Variants in LRGUK observed in about 807,000 individuals in gnomAD.
The protein encoded by LRGUK is leucine rich repeats and guanylate kinase domain containing.
Under a neutral mutation model 76.0 loss-of-function variants are expected in LRGUK, and 65 were observed. The observed-to-expected ratio is 0.85, with a 90% CI of 0.70 to 1.05. LRGUK has a LOEUF of 1.05. LRGUK is among the 50% of genes least tolerant of loss of function. The pLI, the probability that LRGUK is intolerant of heterozygous loss-of-function variation, is 0.00. For missense variants in LRGUK, 758 were observed against 732.8 expected, an observed-to-expected ratio of 1.03 and a Z score of -0.40; for synonymous variants, 268 against 265.6, an observed-to-expected ratio of 1.01 and a Z score of -0.09.
intron 16 of LRGUK, among the ~76,000 whole-genome samples, chr7:134,244,906 C>G (rs1443098797): frequency 6.6e-6 from 1 of 152,040 alleles, no homozygotes; most frequent in Non-Finnish European, 1.5e-5. Context: ...TTTGTAGGGA[C>G]ATGGATGAAG....
At chr7:134,246,222 C>A (rs1802298173) in intron 16 of LRGUK, among the ~76,000 whole-genome samples, 1 of 152,006 alleles carries the variant, frequency 6.6e-6, no homozygotes, top group Admixed American at 6.6e-5. Context: ...TTATATTATC[C>A]CCCCCAAATT....
intron 16 of LRGUK, among the ~76,000 whole-genome samples, chr7:134,244,907 A>G (rs1249860739): frequency 6.6e-6 from 1 of 152,152 alleles, no homozygotes; most frequent in Non-Finnish European, 1.5e-5. Flanking sequence ...TTGTAGGGAC[A>G]TGGATGAAGC....
chr7:134,207,208 C>G (rs1401919388), intron 15 of LRGUK, among the ~76,000 whole-genome samples: 2 of 152,122 alleles, frequency 1.3e-5, no homozygotes, highest in African/African-American at 4.8e-5. Context: ...TGTAAGTATA[C>G]AATTCAATGG....
At chr7:134,174,396 T>C (rs1799395707) in intron 7 of LRGUK, among the ~76,000 whole-genome samples, 160 bp from the exon 8 acceptor site, 1 of 152,204 alleles carries the variant, frequency 6.6e-6, no homozygotes, top group South Asian at 2.1e-4. Context: ...AATAATTCCC[T>C]TGTTCTGTGA....
chr7:134,192,106 A>G (rs999011693), intron 12 of LRGUK, among the ~76,000 whole-genome samples: 16 of 152,218 alleles, frequency 1.1e-4, no homozygotes, highest in Non-Finnish European at 4.4e-5. Context: ...TACATAACCG[A>G]TGGCACAGAA....
intron 13 of LRGUK, among the ~76,000 whole-genome samples, chr7:134,198,921 T>G (rs1563177704): frequency 6.6e-6 from 1 of 151,670 alleles, no homozygotes; most frequent in African/African-American, 2.4e-5. Flanking sequence ...TTGCTATGAA[T>G]GTACCTATTT....
At chr7:134,254,254 A>C (rs980200978) in intron 18 of LRGUK, among the ~76,000 whole-genome samples, 2 of 152,178 alleles carry the variant, frequency 1.3e-5, no homozygotes, top group African/African-American at 4.8e-5. Flanking sequence ...ATAAAATTTC[A>C]CAATCTTTTG....
At position 134,163,267 on chromosome 7, in the gene LRGUK, AG is replaced by A. The variant is rs1228081340; in HGVS notation, c.796-127del. On this transcript the variant is annotated intron_variant, in intron 6 of 15. Coordinates refer to ENST00000645682, the Ensembl canonical transcript of LRGUK. ...GAGGTGAATGATGGAAATGGGATGG[AG>A]GGAAGGACAAGAATGCCTTCTTGAT... The A allele has an allele frequency of 5.7e-6, 4 of 707,444 alleles. No homozygotes were observed. In the African/African-American group the frequency reaches 7.0e-5, roughly 12 times the overall value. 43.8% of individuals were successfully genotyped at this position (707,444 alleles called of 1,614,324 possible). A position where few individuals can be genotyped will look rare whatever the true frequency, so the allele number is the denominator to read the frequency against.
chr7:134,254,999 A>G (rs941246518), intron 18 of LRGUK, among the ~76,000 whole-genome samples: 87 of 152,290 alleles, frequency 5.7e-4, no homozygotes, highest in African/African-American at 1.9e-3. Flanking sequence ...TATTTTCTAA[A>G]TTGTCTATAA....
chr7:134,130,203 A>G (rs1038074900), intron 1 of LRGUK, among the ~76,000 whole-genome samples: 10 of 152,094 alleles, frequency 6.6e-5, no homozygotes, highest in Non-Finnish European at 1.5e-4. Flanking sequence ...TTGTTGGTTT[A>G]CTTTGCTATC....
exon 14 of LRGUK, chr7:134,199,239 A>C: frequency 6.2e-7 from 1 of 1,613,776 alleles, no homozygotes. Context: ...AGTTTGAAAT[A>C]TTCCTATTTT....
At chr7:134,149,583 G>A (rs1023942820) in intron 5 of LRGUK, among the ~76,000 whole-genome samples, 4 of 152,196 alleles carry the variant, frequency 2.6e-5, no homozygotes, top group Non-Finnish European at 5.9e-5. Flanking sequence ...GTGAAAATGA[G>A]CAATTAGTGG....
At chr7:134,258,227 A>T (rs1171411791) in intron 18 of LRGUK, 30 bp from the exon 19 acceptor site, 2 of 1,613,030 alleles carry the variant, frequency 1.2e-6, no homozygotes, top group East Asian at 2.2e-5. Flanking sequence ...TTTGGATCTC[A>T]AAAAGATCTT....
chr7:134,260,787 C>T (rs1802703275), intron 19 of LRGUK, among the ~76,000 whole-genome samples: 3 of 152,148 alleles, frequency 2.0e-5, no homozygotes, highest in South Asian at 2.1e-4. Flanking sequence ...CGTTTGAGAT[C>T]CCAGCTATGC....
chr7:134,193,881 C>A (rs1249216983), intron 12 of LRGUK, among the ~76,000 whole-genome samples: 1 of 152,102 alleles, frequency 6.6e-6, no homozygotes, highest in Non-Finnish European at 1.5e-5. Flanking sequence ...TGTGGACAGT[C>A]ACACCTTTCT....
At chr7:134,218,752 G>T (rs1420888038) in intron 15 of LRGUK, among the ~76,000 whole-genome samples, 1 of 152,048 alleles carries the variant, frequency 6.6e-6, no homozygotes, top group Non-Finnish European at 1.5e-5. Flanking sequence ...GTTTAGGTTG[G>T]ATTTTATGCT....
intron 16 of LRGUK, among the ~76,000 whole-genome samples, chr7:134,226,218 A>ATGTGTG (rs57035440): frequency 0.032 from 4,578 of 141,680 alleles, 160 homozygotes; most frequent in African/African-American, 0.087. Context: ...CCCATCTCCA[A>ATGTGTG]TGTGTGTGTG....
chr7:134,255,277 A>G (rs951182637), intron 18 of LRGUK, among the ~76,000 whole-genome samples: 1 of 151,464 alleles, frequency 6.6e-6, no homozygotes, highest in African/African-American at 2.4e-5. Flanking sequence ...ATTTATAACT[A>G]CTACCCGGCG....
intron 12 of LRGUK, among the ~76,000 whole-genome samples, chr7:134,194,889 G>C (rs1290831740): frequency 2.6e-5 from 4 of 152,158 alleles, no homozygotes; most frequent in African/African-American, 7.2e-5. Flanking sequence ...TTCAAGATGA[G>C]AATTGCAATA....
Sources: gnomAD v4.1 joint callset for allele counts (sites outside exome capture counted in the v4.1 genomes callset) on GRCh38, gnomAD v4.1.1 for gene constraint, MANE v1.5 for transcripts, NCBI Gene and HGNC (gene_info 2026-07-23, HGNC 2026-07-21) for gene names.